The following DNAH9 variants were observed in gnomAD, a reference collection of about 807,000 sequenced individuals.
The protein encoded by DNAH9 is dynein axonemal heavy chain 9, also known as DNAH9 variant protein.
In DNAH9, 345 loss-of-function variants were observed where a neutral mutation model predicts 471.6. The ratio of observed to expected loss-of-function variants is 0.73; its 90% confidence interval spans 0.67 to 0.80. DNAH9 has a LOEUF of 0.80. Ranked by LOEUF, DNAH9 falls within the 30% of genes least tolerant of loss-of-function variation. The probability of loss-of-function intolerance (pLI) is 0.00; values close to 1 mark genes in which losing one functional copy is unlikely to be tolerated. For missense variants in DNAH9, 5,407 were observed against 5,609.2 expected, an observed-to-expected ratio of 0.96 and a Z score of 1.15; for synonymous variants, 2,093 against 2,123.6, an observed-to-expected ratio of 0.99 and a Z score of 0.40.
chr17:11,754,580 G>C (rs1567776679), intron 33 of DNAH9, among the ~76,000 whole-genome samples: 1 of 152,196 alleles, frequency 6.6e-6, no homozygotes, highest in Admixed American at 6.5e-5. Context: ...CTAATAATCA[G>C]TGATGTTGAG....
chr17:11,757,251 C>T, intron 34 of DNAH9, among the ~76,000 whole-genome samples: 1 of 152,104 alleles, frequency 6.6e-6, no homozygotes, highest in East Asian at 1.9e-4. Flanking sequence ...TTGGGCCGGG[C>T]TCTGTGGCTC....
chr17:11,616,588 T>C (rs2072749722), intron 4 of DNAH9, among the ~76,000 whole-genome samples: 1 of 152,206 alleles, frequency 6.6e-6, no homozygotes, highest in Non-Finnish European at 1.5e-5. Context: ...CTTTCCTTGG[T>C]TGTATTCAGA....
chr17:11,920,180 G>C (rs2151026196), intron 61 of DNAH9, among the ~76,000 whole-genome samples: 1 of 151,988 alleles, frequency 6.6e-6, no homozygotes, highest in African/African-American at 2.4e-5. Context: ...GGGATTACAG[G>C]CATGTGTCAC....
intron 42 of DNAH9, among the ~76,000 whole-genome samples, chr17:11,794,036 A>ATTTTTTTTTTTTTTTTTT (rs35741238): frequency 1.2e-5 from 1 of 80,900 alleles, no homozygotes; most frequent in African/African-American, 5.1e-5. Context: ...ATTTTGAGCA[A>ATTTTTTTTTTTTTTTTTT]TTTTTTTTTT....
intron 6 of DNAH9, 55 bp downstream of exon 6, chr17:11,619,836 G>T: frequency 9.5e-7 from 1 of 1,056,506 alleles, no homozygotes; most frequent in Non-Finnish European, 1.5e-6. Context: ...AAGCAGTCCA[G>T]GGGTCCAAAA....
At chr17:11,929,323 C>T (rs548914052) in intron 62 of DNAH9, among the ~76,000 whole-genome samples, 26 of 152,180 alleles carry the variant, frequency 1.7e-4, no homozygotes, top group Admixed American at 1.5e-3. Context: ...TGTTAGCCAC[C>T]GTGCCTGGCC....
At chr17:11,667,341 A>G (rs2073890349) in intron 15 of DNAH9, among the ~76,000 whole-genome samples, 1 of 152,192 alleles carries the variant, frequency 6.6e-6, no homozygotes, top group Non-Finnish European at 1.5e-5. Flanking sequence ...TTATAGTAGT[A>G]TAATTACTTT....
intron 9 of DNAH9, among the ~76,000 whole-genome samples, chr17:11,637,447 A>C (rs1306333409): frequency 2.0e-5 from 3 of 152,084 alleles, no homozygotes; most frequent in Admixed American, 6.5e-5. Flanking sequence ...AAAGAATGGT[A>C]ACAAGCTGGA....
intron 26 of DNAH9, among the ~76,000 whole-genome samples, chr17:11,708,006 CACACACACAGAGAGAGAG>C (rs2074748974): frequency 8.3e-5 from 4 of 48,212 alleles, no homozygotes; most frequent in South Asian, 7.0e-4. Context: ...CACACACACA[CACACACACAGAGAGAGAG>C]AGAGAGAGAG....
At position 11,937,165 on chromosome 17, in the gene DNAH9, G is replaced by A. The variant is rs1417579175; in HGVS notation, c.12490-187G>A. Among the ~76,000 whole-genome samples the A allele has an allele frequency of 2.6e-5, 4 of 152,132 alleles. No individual in the cohort carries two copies. Among genetic ancestry groups the A allele is most frequent in the African/African-American group, 9.7e-5 (4 of 41,412 alleles). ...GAAGTTTTGGGAAACGGGTCCAGCCGACAAAAATGGATGATGTCAAGGTGC... is the reference window on the plus strand; with the variant it reads ...GAAGTTTTGGGAAACGGGTCCAGCCAACAAAAATGGATGATGTCAAGGTGC... On this transcript the variant is annotated intron_variant, in intron 65 of 68. Transcript: ENST00000262442. The surrounding 1 kb of genome is among the most constrained non-coding windows in gnomAD (Gnocchi z 4.1).
In DNAH9 at chr17:11,698,152, TTATTAATATATTATTA is replaced by T. The variant is rs1158009079; in HGVS notation, c.4873-1552_4873-1537del. On this transcript the variant is annotated intron_variant, in intron 22 of 68. Transcript: ENST00000262442. ...TATATAATTATATATTAGTATTATA[TTATTAATATATTATTA>T]TATTAATATATTATTATATTAATAT... Among the ~76,000 whole-genome samples, 79 of 39,720 alleles carry T rather than the reference TTATTAATATATTATTA, an allele frequency of 2.0e-3. 2 individuals carry two copies. The highest frequency in any genetic ancestry group is 4.6e-3 in the African/African-American group (75 of 16,264). 26.1% of individuals were successfully genotyped at this position (39,720 alleles called of 152,430 possible).
chr17:11,909,674 AT>A (rs1283372896), intron 61 of DNAH9, among the ~76,000 whole-genome samples: 1 of 152,100 alleles, frequency 6.6e-6, no homozygotes, highest in African/African-American at 2.4e-5. Flanking sequence ...ATCAATGAAC[AT>A]CCCACAGGTA....
At chr17:11,817,595 T>C (rs1970144686) in intron 45 of DNAH9, among the ~76,000 whole-genome samples, 1 of 152,246 alleles carries the variant, frequency 6.6e-6, no homozygotes, top group African/African-American at 2.4e-5. Context: ...AATTAAATCT[T>C]ATTTATGAAC....
intron 63 of DNAH9, 41 bp downstream of exon 63, chr17:11,930,134 A>G: frequency 6.5e-7 from 1 of 1,538,826 alleles, no homozygotes; most frequent in Non-Finnish European, 8.9e-7. Flanking sequence ...AGCACACCTC[A>G]CAGTCAGCTG....
chr17:11,810,295 C>T lies in DNAH9; in HGVS notation c.8633C>T (p.Thr2878Ile). The T allele has an allele frequency of 6.2e-7, 1 of 1,613,796 alleles. No homozygotes were observed. The highest frequency in any genetic ancestry group is 8.5e-7 in the Non-Finnish European group (1 of 1,179,866). ...CLKAGVKNLN[T>I]VFLMTDAQVA... ...AAAGCTGGAGTGAAGAATCTCAACA[C>T]AGTGTTTCTCATGACTGATGCCCAA... Residue 2878 changes from threonine to isoleucine, a missense_variant, in exon 45 of 69, where the codon ACA becomes ATA. By Grantham distance (89) the Thr-to-Ile change is moderately conservative. This residue lies in a region of DNAH9 where 4,636 missense variants were observed against 4,900.3 expected (regional missense o/e 0.95). Transcript: ENST00000262442.
rs2074298655 is a variant in DNAH9 at position 11,689,645 on chromosome 17, A to G, written c.3823A>G (p.Ile1275Val). Residue 1275 changes from isoleucine (I) to valine (V), a missense_variant, in exon 20 of 69, where the codon ATT (isoleucine) becomes GTT (valine). This residue lies in a region of DNAH9 where 4,636 missense variants were observed against 4,900.3 expected (regional missense o/e 0.95). Transcript: ENST00000262442. ...GCAGATGGAATCCACTATGGCCTCC[A>G]TTTCTGAGTCTGCCAGCTTATTTGA... ...IQQMESTMASISESASLFEVN... is the reference protein window; with the variant it reads ...IQQMESTMASVSESASLFEVN... 1 of 1,614,112 alleles carries G rather than the reference A, an allele frequency of 6.2e-7. No individual in the cohort carries two copies. The highest frequency in any genetic ancestry group is 1.7e-5 in the Admixed American group (1 of 60,014).
At chr17:11,816,679 C>A (rs144971339) in intron 45 of DNAH9, among the ~76,000 whole-genome samples, 1 of 152,322 alleles carries the variant, frequency 6.6e-6, no homozygotes, top group East Asian at 1.9e-4. Context: ...AACTAAACCA[C>A]GTTAAATTAT....
chr17:11,619,474 C>T (rs2072809759), intron 5 of DNAH9, 74 bp from the exon 6 acceptor site: 1 of 797,166 alleles, frequency 1.3e-6, no homozygotes, highest in Non-Finnish European at 2.2e-6. Context: ...GGCAATGATT[C>T]AGTTCAGAGT....
At chr17:11,756,436 C>G in intron 33 of DNAH9, 132 bp from the exon 34 acceptor site, 1 of 662,202 alleles carries the variant, frequency 1.5e-6, no homozygotes, top group Non-Finnish European at 2.7e-6. Flanking sequence ...TGGGTGGGGA[C>G]ACAGCCAAAC....
Sources: gnomAD v4.1 joint callset for allele counts (sites outside exome capture counted in the v4.1 genomes callset) on GRCh38, gnomAD v4.1.1 for gene constraint, gnomAD v4.1.1 regional missense constraint, Gnocchi (gnomAD v3.1) non-coding constraint, MANE v1.5 for transcripts, NCBI Gene and HGNC (gene_info 2026-07-23, HGNC 2026-07-21) for gene names.